Variants in TRAF3IP1 observed in about 807,000 individuals in gnomAD.
TRAF3IP1 encodes TRAF3-interacting protein 1.
Under a neutral mutation model 89.9 loss-of-function variants are expected in TRAF3IP1, and 53 were observed. The ratio of observed to expected loss-of-function variants is 0.59; its 90% CI spans 0.47 to 0.74. TRAF3IP1 has a LOEUF of 0.74. TRAF3IP1 is among the 30% of genes least tolerant of loss of function. TRAF3IP1 has a pLI of 0.00. For synonymous variants in TRAF3IP1, 311 were observed against 322.1 expected, an observed-to-expected ratio of 0.97 and a Z score of 0.37; for missense variants, 806 against 866.1, an observed-to-expected ratio of 0.93 and a Z score of 0.87.
rs150407213 is a variant in TRAF3IP1 at position 238,351,906 on chromosome 2, CGTGTGTGTGTGT to C, written c.1452-910_1452-899del. Reference sequence around the variant, plus strand: ...GTGCGTGCATGTGCTTGTGTGTATGCGTGTGTGTGTGTGTGTGTGTGTATGCATGTGCACGCA... The same window carrying C: ...GTGCGTGCATGTGCTTGTGTGTATGCGTGTGTGTGTATGCATGTGCACGCA... On this transcript the variant is annotated intron_variant, in intron 12 of 16. Transcript: ENST00000373327. The surrounding 1 kb of genome is among the most constrained non-coding windows in gnomAD (Gnocchi z 5.2). 6.9e-6 allele frequency among the ~76,000 whole-genome samples: 1 copy of C among 144,124 alleles called. No individual in the cohort carries two copies. The highest frequency in any genetic ancestry group is 1.5e-5 in the Non-Finnish European group (1 of 65,436). The allele number at this position is 144,124 out of a possible 152,430, so 94.6% of individuals were successfully genotyped here.
intron 15 of TRAF3IP1, among the ~76,000 whole-genome samples, chr2:238,375,181 T>A (rs948632078): frequency 6.6e-6 from 1 of 152,182 alleles, no homozygotes; most frequent in Non-Finnish European, 1.5e-5. Context: ...GCTTTTGAAT[T>A]TGTTTGCTCT....
At chr2:238,354,894 C>T (rs1161503351) in intron 14 of TRAF3IP1, among the ~76,000 whole-genome samples, 1 of 151,838 alleles carries the variant, frequency 6.6e-6, no homozygotes, top group Non-Finnish European at 1.5e-5. Flanking sequence ...TTGTGATCGG[C>T]CCCCTTGGCC....
rs554272326 is a variant in TRAF3IP1, at chr2:238,368,619, TAAAGA to T, written c.1689+12543_1689+12547del. 1.0e-3 allele frequency among the ~76,000 whole-genome samples: 154 copies of T among 152,168 alleles called. 2 individuals are homozygous for T. Among genetic ancestry groups the T allele is most frequent in the African/African-American group, 3.5e-3 (145 of 41,532 alleles). ...TTTTCAGGAATATTCTTAAATCCCT[TAAAGA>T]AAAAAAATGAAAATAAAGTAGAAAT... On this transcript the variant is annotated intron_variant, in intron 15 of 16. Coordinates refer to ENST00000373327, the MANE Select transcript of TRAF3IP1 (RefSeq NM_015650.4).
chr2:238,348,969 A>G (rs1699023452), intron 11 of TRAF3IP1, 121 bp downstream of exon 11: 1 of 783,364 alleles, frequency 1.3e-6, no homozygotes, highest in South Asian at 1.7e-5. Flanking sequence ...GGAATTACTT[A>G]TACAAAGAAT....
At position 238,328,714 on chromosome 2, in the gene TRAF3IP1, T is replaced by C; in HGVS notation, c.383T>C (p.Val128Ala). 6.2e-7 allele frequency: 1 copy of C among 1,613,510 alleles called. No individual in the cohort carries two copies. The highest frequency in any genetic ancestry group is 8.5e-7 in the Non-Finnish European group (1 of 1,179,860). The change falls in exon 4 of 17, where the codon GTT becomes GCT. Residue 128 changes from valine (V) to alanine (A), a missense_variant. Val to Ala is a moderately conservative substitution (Grantham distance 64). This residue lies in a region of TRAF3IP1 where 732 missense variants were observed against 780.5 expected (regional missense o/e 0.94). Coordinates refer to ENST00000373327, the MANE Select transcript of TRAF3IP1 (RefSeq NM_015650.4). Reference protein sequence around the residue: ...KLSSDDAVRRVLAGEKGEVKG... With the variant: ...KLSSDDAVRRALAGEKGEVKG... Reference sequence around the variant, plus strand: ...TCTAGTGACGATGCGGTGCGGAGGGTTTTAGCTGGAGAGAAGGGAGAAGTG... The same window carrying C: ...TCTAGTGACGATGCGGTGCGGAGGGCTTTAGCTGGAGAGAAGGGAGAAGTG...
chr2:238,377,785 T>C (rs978277666), intron 15 of TRAF3IP1, among the ~76,000 whole-genome samples: 1 of 152,240 alleles, frequency 6.6e-6, no homozygotes, highest in African/African-American at 2.4e-5. Flanking sequence ...TCTTGACAAT[T>C]TGACAGCTTC....
In TRAF3IP1 at chr2:238,329,327, C is replaced by G; in HGVS notation, c.900C>G (p.Asp300Glu). 2.2e-6 allele frequency: 3 copies of G among 1,368,156 alleles called. No homozygotes were observed. Among genetic ancestry groups the G allele is most frequent in the Non-Finnish European group, 2.9e-6 (3 of 1,052,300 alleles). 84.8% of individuals were successfully genotyped at this position (1,368,156 alleles called of 1,614,324 possible). ...DLDREKNREH[D>E]KPEKKSASSG... ...ACAGGGAGAAGAACAGAGAGCATGA[C>G]AAACCTGAGAAAAAGGTAAAGTCTT... is the stretch of plus-strand genomic sequence containing the variant. The change falls in exon 5 of 17, where the codon GAC becomes GAG. Residue 300 changes from aspartate (D) to glutamate (E), a missense_variant. Asp to Glu is a conservative substitution (Grantham distance 45). Transcript: ENST00000373327.
intron 15 of TRAF3IP1, among the ~76,000 whole-genome samples, chr2:238,380,470 C>T (rs577581077): frequency 3.3e-5 from 5 of 152,226 alleles, no homozygotes; most frequent in Non-Finnish European, 7.4e-5. Flanking sequence ...GGAAGCTCTG[C>T]AGTTGAGGCA....
At chr2:238,327,757 C>T (rs1349424175) in intron 3 of TRAF3IP1, among the ~76,000 whole-genome samples, 1 of 152,098 alleles carries the variant, frequency 6.6e-6, no homozygotes, top group Non-Finnish European at 1.5e-5. Context: ...CGTACCCCAG[C>T]CCCTGGCACC....
At chr2:238,381,346 A>AG (rs1383094665) in intron 15 of TRAF3IP1, among the ~76,000 whole-genome samples, 1 of 152,154 alleles carries the variant, frequency 6.6e-6, no homozygotes, top group Non-Finnish European at 1.5e-5. Flanking sequence ...GGATTCGAGG[A>AG]GGGCCTGTAG....
intron 1 of TRAF3IP1, among the ~76,000 whole-genome samples, chr2:238,321,113 C>A (rs1187713769): frequency 6.6e-6 from 1 of 152,138 alleles, no homozygotes; most frequent in Non-Finnish European, 1.5e-5. Context: ...TTCCGCGGCG[C>A]CCTCCGTGAG....
intron 5 of TRAF3IP1, among the ~76,000 whole-genome samples, chr2:238,331,228 A>C (rs1698106000): frequency 6.6e-6 from 1 of 150,952 alleles, no homozygotes; most frequent in Non-Finnish European, 1.5e-5. Flanking sequence ...TGGGAGGCCG[A>C]GGCAGGTGGA....
Position 238,338,398 on chromosome 2 carries a change from AC to A in TRAF3IP1, c.1101del (p.Ser368ProfsTer2). The A allele has an allele frequency of 6.3e-7, 1 of 1,599,232 alleles. No homozygotes were observed. The highest frequency in any genetic ancestry group is 1.1e-5 in the South Asian group (1 of 88,064). On this transcript the variant is annotated frameshift_variant, in exon 8 of 17. Transcript: ENST00000373327. LOFTEE classifies it high-confidence loss of function. The stretch of plus-strand genomic sequence containing the variant: ...GATAATATTTCAGCTAAAAGTTTAG[AC>A]TCCATAGTGTCTGGAATAAATAATG... ...KEDNISAKSLDSIVSGINNEP... is the reference protein window; with the variant it reads ...KEDNISAKSLXSIVSGINNEP...
At chr2:238,356,968 C>T (rs1184248939) in intron 15 of TRAF3IP1, among the ~76,000 whole-genome samples, 4 of 152,030 alleles carry the variant, frequency 2.6e-5, no homozygotes, top group South Asian at 2.1e-4. Flanking sequence ...TTAGTAGAGA[C>T]GGGGTTTTAC....
chr2:238,349,897 C>T (rs1015023263), intron 12 of TRAF3IP1, among the ~76,000 whole-genome samples: 1 of 152,080 alleles, frequency 6.6e-6, no homozygotes, highest in Non-Finnish European at 1.5e-5. Flanking sequence ...TGGTGAAACC[C>T]CCGTCTCTAC....
chr2:238,351,761 T>A lies in TRAF3IP1; in HGVS notation c.1452-1066T>A, dbSNP rs1018574005. The stretch of plus-strand genomic sequence containing the variant: ...GGATGTTTGGGGCAATGGGTGTTAT[T>A]TTCAGAGGTCGTTCCCAAGTGTCTA... On this transcript the variant is annotated intron_variant, in intron 12 of 16. Transcript: ENST00000373327. The surrounding 1 kb of genome is among the most constrained non-coding windows in gnomAD (Gnocchi z 5.2). 2.6e-5 allele frequency among the ~76,000 whole-genome samples: 4 copies of A among 152,092 alleles called. No homozygotes were observed. The highest frequency in any genetic ancestry group is 5.9e-5 in the Non-Finnish European group (4 of 68,006).
chr2:238,375,446 G>A (rs571867641), intron 15 of TRAF3IP1, among the ~76,000 whole-genome samples: 2 of 152,326 alleles, frequency 1.3e-5, no homozygotes, highest in African/African-American at 4.8e-5. Context: ...GGTTTTGAGT[G>A]AGTTTCTTAA....
intron 15 of TRAF3IP1, among the ~76,000 whole-genome samples, chr2:238,368,815 C>T (rs1195397242): frequency 1.4e-4 from 21 of 152,012 alleles, no homozygotes; most frequent in East Asian, 5.8e-4. Flanking sequence ...AGATTACAGG[C>T]GCCTGCCACC....
chr2:238,389,263 T>TTAACA (rs1700900170), intron 15 of TRAF3IP1, among the ~76,000 whole-genome samples: 1 of 151,914 alleles, frequency 6.6e-6, no homozygotes, highest in African/African-American at 2.4e-5. Flanking sequence ...TGTTTTAGAT[T>TTAACA]TGGGGGTACA....
Sources: allele counts gnomAD v4.1 joint callset (sites outside exome capture counted in the v4.1 genomes callset), GRCh38; gene constraint gnomAD v4.1.1; regional missense constraint gnomAD v4.1.1; non-coding constraint Gnocchi (gnomAD v3.1); transcripts MANE v1.5; gene names NCBI Gene and HGNC (gene_info 2026-07-23, HGNC 2026-07-21).